The following DOCK1 variants were observed in gnomAD, a reference collection of about 807,000 sequenced individuals.
DOCK1 encodes dedicator of cytokinesis protein 1.
Under a neutral mutation model 262.7 loss-of-function variants are expected in DOCK1, and 138 were observed. That is an observed-to-expected ratio of 0.53 (90% CI 0.46 to 0.61). DOCK1 has a LOEUF of 0.61. DOCK1 is among the 20% of genes least tolerant of loss of function. The pLI is 0.00. For synonymous variants in DOCK1, 866 were observed against 867.4 expected (o/e 1.00, Z 0.03); for missense variants, 1,908 against 2,370.7 (o/e 0.80, Z 4.05).
chr10:127,324,662 G>A (rs886541300), intron 29 of DOCK1, among the ~76,000 whole-genome samples: 9 of 152,100 alleles, frequency 5.9e-5, no homozygotes, highest in African/African-American at 2.2e-4. Flanking sequence ...AGACTTGGGT[G>A]TAAGTTAACT....
At chr10:127,286,764 A>G (rs1453682867) in intron 29 of DOCK1, among the ~76,000 whole-genome samples, 1 of 152,094 alleles carries the variant, frequency 6.6e-6, no homozygotes, top group African/African-American at 2.4e-5. Context: ...TAGTTCCTAT[A>G]GTTTGCCCAA....
At chr10:126,972,337 T>A (rs1181666487) in intron 2 of DOCK1, among the ~76,000 whole-genome samples, 1 of 152,220 alleles carries the variant, frequency 6.6e-6, no homozygotes, top group African/African-American at 2.4e-5. Flanking sequence ...GAGCATGCCA[T>A]ATTTCATTTT....
At position 126,970,841 on chromosome 10, in the gene DOCK1, C is replaced by T. The variant is rs1350580299; in HGVS notation, c.130+56C>T. The T allele has an allele frequency of 2.5e-6, 4 of 1,569,606 alleles. No individual in the cohort carries two copies. In the African/African-American group the frequency reaches 5.4e-5, roughly 21 times the overall value. On this transcript the variant is annotated intron_variant, in intron 2 of 51. Coordinates refer to ENST00000623213, the MANE Select transcript of DOCK1 (RefSeq NM_001290223.2). ...ACATTTTGGGCAGATGGCACACCTT[C>T]TCAGTGCCTGCTGGGCAAAGCATTC...
rs188138325 is a variant in DOCK1 at position 127,005,952 on chromosome 10, A to G, written c.986-2780A>G. Among the ~76,000 whole-genome samples the G allele has an allele frequency of 5.9e-5, 9 of 152,292 alleles. No individual in the cohort carries two copies. In the East Asian group the frequency reaches 1.7e-3, roughly 29 times the overall value. ...ACAAACCTAGCATTATCTTATGAAC[A>G]TGTCCTTTTATTAAGCATTATTCAA... On this transcript the variant is annotated intron_variant, in intron 10 of 51. Transcript: ENST00000623213.
chr10:127,103,933 T>C (rs764731868), intron 23 of DOCK1, among the ~76,000 whole-genome samples: 1 of 152,210 alleles, frequency 6.6e-6, no homozygotes, highest in Non-Finnish European at 1.5e-5. Context: ...ACAAAGAGCA[T>C]GTTGTAGGAA....
At chr10:127,422,550 A>C (rs1173223238) in intron 46 of DOCK1, among the ~76,000 whole-genome samples, 1 of 152,216 alleles carries the variant, frequency 6.6e-6, no homozygotes, top group Non-Finnish European at 1.5e-5. Flanking sequence ...TTAAAAGGGA[A>C]GAAATCAGAC....
chr10:126,911,372 G>A (rs1302343862), intron 1 of DOCK1, among the ~76,000 whole-genome samples: 3 of 152,174 alleles, frequency 2.0e-5, no homozygotes, highest in African/African-American at 7.2e-5. Context: ...CGCTGTATGA[G>A]CGGGTCCACT....
At chr10:127,228,921 T>C (rs752298848) in intron 27 of DOCK1, among the ~76,000 whole-genome samples, 5 of 152,158 alleles carry the variant, frequency 3.3e-5, no homozygotes, top group African/African-American at 4.8e-5. Context: ...TTTTCACGTG[T>C]GGTGAGAACA....
At chr10:127,205,821 C>T (rs2057693743) in intron 27 of DOCK1, among the ~76,000 whole-genome samples, 1 of 152,196 alleles carries the variant, frequency 6.6e-6, no homozygotes, top group Non-Finnish European at 1.5e-5. Flanking sequence ...ACACAATGGT[C>T]TCCCATAGCC....
chr10:127,369,913 G>A (rs1010646190), intron 33 of DOCK1, among the ~76,000 whole-genome samples: 2 of 152,226 alleles, frequency 1.3e-5, no homozygotes, highest in African/African-American at 4.8e-5. Flanking sequence ...TGGATCGGGA[G>A]GGACCAGTCA....
chr10:127,352,999 G>A lies in DOCK1; in HGVS notation c.3225-1670G>A, dbSNP rs370402211. Among the ~76,000 whole-genome samples the A allele has an allele frequency of 1.2e-4, 19 of 152,244 alleles. No individual in the cohort carries two copies. The South Asian group carries it at 2.9e-3, about 23-fold the overall frequency. ...TGAGTGGGTCAGTACATGCTAGGCC[G>A]ATCCCACTGTGAGCATTTCACCTCT... On this transcript the variant is annotated intron_variant, in intron 31 of 51. Transcript: ENST00000623213.
intron 38 of DOCK1, among the ~76,000 whole-genome samples, 158 bp from the exon 39 acceptor site, chr10:127,402,897 G>C (rs1013888961): frequency 2.0e-5 from 3 of 152,240 alleles, no homozygotes; most frequent in African/African-American, 4.8e-5. Flanking sequence ...AAAGACATGA[G>C]ACTCAAGAAA....
chr10:126,968,173 T>C (rs948724145), intron 1 of DOCK1, among the ~76,000 whole-genome samples: 7 of 152,156 alleles, frequency 4.6e-5, no homozygotes, highest in Admixed American at 4.6e-4. Context: ...CCTGTGGCCG[T>C]GAAAGCTTTT....
At chr10:127,118,323 G>A (rs2049317773) in intron 25 of DOCK1, among the ~76,000 whole-genome samples, 1 of 151,850 alleles carries the variant, frequency 6.6e-6, no homozygotes, top group African/African-American at 2.4e-5. Flanking sequence ...CATTTTTCTT[G>A]CATCTTGCCA....
At chr10:127,218,780 C>T (rs2058313624) in intron 27 of DOCK1, among the ~76,000 whole-genome samples, 1 of 152,134 alleles carries the variant, frequency 6.6e-6, no homozygotes, top group African/African-American at 2.4e-5. Flanking sequence ...TGAGACTGGT[C>T]ATTTATAAAG....
At chr10:126,947,314 G>C (rs1234416743) in intron 1 of DOCK1, among the ~76,000 whole-genome samples, 3 of 131,710 alleles carry the variant, frequency 2.3e-5, no homozygotes, top group African/African-American at 8.2e-5. Flanking sequence ...TGTTGGTGGT[G>C]ATGGTGGTGG....
intron 22 of DOCK1, among the ~76,000 whole-genome samples, chr10:127,055,545 G>C (rs2045084611): frequency 6.6e-6 from 1 of 152,224 alleles, no homozygotes; most frequent in Non-Finnish European, 1.5e-5. Flanking sequence ...CAATACCAGA[G>C]TGATTTTAGT....
At chr10:127,226,084 A>G (rs1315228880) in intron 27 of DOCK1, among the ~76,000 whole-genome samples, 1 of 151,748 alleles carries the variant, frequency 6.6e-6, no homozygotes, top group Non-Finnish European at 1.5e-5. Flanking sequence ...TGTCTCAAAA[A>G]AAAAAAAAAA....
chr10:127,189,297 A>G (rs972608039), intron 27 of DOCK1, among the ~76,000 whole-genome samples: 3 of 152,174 alleles, frequency 2.0e-5, no homozygotes, highest in Non-Finnish European at 4.4e-5. Context: ...TATTTTAAAT[A>G]ATTACTAGGA....
Sources: allele counts gnomAD v4.1 joint callset (sites outside exome capture counted in the v4.1 genomes callset), GRCh38; gene constraint gnomAD v4.1.1; transcripts MANE v1.5; gene names NCBI Gene and HGNC (gene_info 2026-07-23, HGNC 2026-07-21).